The following NTRK3 variants were observed in gnomAD, a reference collection of about 807,000 sequenced individuals.
NTRK3 encodes neurotrophic receptor tyrosine kinase 3.
NTRK3 carries 24 observed loss-of-function variants against 91.7 expected under a neutral mutation model. The ratio of observed to expected loss-of-function variants is 0.26; its 90% CI spans 0.19 to 0.37. NTRK3 has a LOEUF of 0.37. Among genes scored for constraint, NTRK3 ranks in the 10% least tolerant of loss-of-function variants. The probability of loss-of-function intolerance (pLI) is 1.00; values close to 1 mark genes in which losing one functional copy is unlikely to be tolerated. For missense variants in NTRK3, 880 were observed against 1,068.9 expected, an observed-to-expected ratio of 0.82 and a Z score of 2.46; for synonymous variants, 483 against 404.0, an observed-to-expected ratio of 1.20 and a Z score of -2.34.
chr15:87,920,707 G>C (rs1037380492), intron 17 of NTRK3, among the ~76,000 whole-genome samples: 1 of 152,134 alleles, frequency 6.6e-6, no homozygotes, highest in African/African-American at 2.4e-5. Context: ...TTTTGCAGGA[G>C]GGGGTCTTAT....
chr15:87,975,530 T>C (rs1238120535), intron 14 of NTRK3, among the ~76,000 whole-genome samples: 1 of 152,184 alleles, frequency 6.6e-6, no homozygotes, highest in African/African-American at 2.4e-5. Flanking sequence ...ACTGGCTGGT[T>C]CCCTGAGCCA....
chr15:88,078,407 G>C (rs1567350142), intron 13 of NTRK3, among the ~76,000 whole-genome samples: 1 of 152,218 alleles, frequency 6.6e-6, no homozygotes, highest in Non-Finnish European at 1.5e-5. Flanking sequence ...TGTAATCCCG[G>C]CACTTCGGGA....
chr15:88,068,846 G>A (rs147509335), intron 13 of NTRK3, among the ~76,000 whole-genome samples: 87 of 152,234 alleles, frequency 5.7e-4, no homozygotes, highest in African/African-American at 1.9e-3. Context: ...GGTTTGTCTC[G>A]ATGGGGAAGC....
intron 13 of NTRK3, among the ~76,000 whole-genome samples, chr15:88,100,696 T>C (rs116159559): frequency 1.3e-5 from 2 of 152,086 alleles, no homozygotes; most frequent in African/African-American, 2.4e-5. Flanking sequence ...CTCTGTCCCA[T>C]CAAATTATAA....
chr15:88,041,312 A>G (rs2079584888), intron 13 of NTRK3, among the ~76,000 whole-genome samples: 1 of 152,164 alleles, frequency 6.6e-6, no homozygotes, highest in Non-Finnish European at 1.5e-5. Flanking sequence ...ACTTCCTTCC[A>G]AAGTAGGGTT....
At chr15:87,907,334 T>A (rs1187883686) in intron 17 of NTRK3, among the ~76,000 whole-genome samples, 1 of 152,138 alleles carries the variant, frequency 6.6e-6, no homozygotes, top group Admixed American at 6.6e-5. Flanking sequence ...TATACACACT[T>A]GTTAGTACTG....
At chr15:88,090,059 C>A (rs2048874796) in intron 13 of NTRK3, among the ~76,000 whole-genome samples, 1 of 152,210 alleles carries the variant, frequency 6.6e-6, no homozygotes, top group Non-Finnish European at 1.5e-5. Flanking sequence ...CTGCCAGGAA[C>A]TCTCTTCCCC....
chr15:88,003,032 G>C (rs2076229704), intron 14 of NTRK3, among the ~76,000 whole-genome samples: 1 of 152,180 alleles, frequency 6.6e-6, no homozygotes, highest in South Asian at 2.1e-4. Context: ...TGAATCTTTG[G>C]TTCCACCCAA....
chr15:88,024,978 C>T (rs1325607134), intron 14 of NTRK3, among the ~76,000 whole-genome samples: 2 of 152,176 alleles, frequency 1.3e-5, no homozygotes, highest in Non-Finnish European at 1.5e-5. Flanking sequence ...ATAAGAATTA[C>T]ACAGTCATCA....
At chr15:88,203,852 A>T (rs1448304647) in intron 3 of NTRK3, among the ~76,000 whole-genome samples, 1 of 152,232 alleles carries the variant, frequency 6.6e-6, no homozygotes, top group Non-Finnish European at 1.5e-5. Flanking sequence ...ATTTTTTTAA[A>T]AAAAAGCAAA....
At chr15:87,865,930 G>A (rs34985448) in exon 19 of NTRK3, 142,047 of 230,294 alleles carry the variant, frequency 0.62, 44,046 homozygotes, top group African/African-American at 0.63. Context: ...CAAAAATTTA[G>A]GGAAGATATG....
intron 17 of NTRK3, chr15:87,925,441 GCACACACACACACA>G (rs61582719): frequency 6.6e-5 from 12 of 181,042 alleles, no homozygotes; most frequent in African/African-American, 2.7e-4. Context: ...ACACGTGTAT[GCACACACACACACA>G]CACACACACA....
At position 88,240,503 on chromosome 15, in the gene NTRK3, G is replaced by A. The variant is rs563306614; in HGVS notation, c.248+15403C>T. 4.6e-5 allele frequency among the ~76,000 whole-genome samples: 7 copies of A among 152,276 alleles called. No homozygotes were observed. The highest frequency in any genetic ancestry group is 3.9e-4 in the Admixed American group (6 of 15,304). On this transcript the variant is annotated intron_variant, in intron 3 of 18. Coordinates refer to ENST00000394480, the Ensembl canonical transcript of NTRK3. This position sits in a 1 kb window ranked among gnomAD's most constrained non-coding sequence, Gnocchi z 4.9. The stretch of plus-strand genomic sequence containing the variant: ...ACCCTCCTTACCACCAAAACAGCAC[G>A]TCATGTGTCCTGTCGGCCCAAGGGT...
At chr15:88,040,954 C>G (rs528567903) in intron 13 of NTRK3, among the ~76,000 whole-genome samples, 1 of 152,166 alleles carries the variant, frequency 6.6e-6, no homozygotes, top group Non-Finnish European at 1.5e-5. Context: ...TCAAAAATCA[C>G]CTAGTCAGGA....
At chr15:88,189,779 CTTCT>C (rs1312249175) in intron 3 of NTRK3, among the ~76,000 whole-genome samples, 1 of 152,140 alleles carries the variant, frequency 6.6e-6, no homozygotes, top group Non-Finnish European at 1.5e-5. Flanking sequence ...TCTCTTCTTC[CTTCT>C]GTTTTGCTTG....
chr15:87,860,413 A>T, exon 19 of NTRK3: 1 of 221,090 alleles, frequency 4.5e-6, no homozygotes, highest in East Asian at 6.5e-5. Flanking sequence ...TTGCCTTTTC[A>T]ACATATCCCT....
chr15:87,991,144 T>A (rs1244157862), intron 14 of NTRK3, among the ~76,000 whole-genome samples: 1 of 152,144 alleles, frequency 6.6e-6, no homozygotes, highest in Admixed American at 6.5e-5. Flanking sequence ...TGTACCATCC[T>A]CATCATTTTC....
rs1289527115 is a variant in NTRK3, at chr15:88,240,746, G to A, written c.248+15160C>T. Among the ~76,000 whole-genome samples the A allele has an allele frequency of 2.6e-5, 4 of 152,214 alleles. No individual in the cohort carries two copies. The highest frequency in any genetic ancestry group is 6.5e-5 in the Admixed American group (1 of 15,282). ...ATGTCACTGTGCTGAGAATGGAAGC[G>A]GGTTAAAATAAAAGTCCCCTTAAAG... is the stretch of plus-strand genomic sequence containing the variant. On this transcript the variant is annotated intron_variant, in intron 3 of 18. Coordinates refer to ENST00000394480, the Ensembl canonical transcript of NTRK3. This position sits in a 1 kb window ranked among gnomAD's most constrained non-coding sequence, Gnocchi z 4.9.
intron 6 of NTRK3, among the ~76,000 whole-genome samples, chr15:88,138,768 C>T (rs1395473531): frequency 2.0e-5 from 3 of 152,252 alleles, no homozygotes; most frequent in African/African-American, 7.2e-5. Flanking sequence ...CTACTGGCAT[C>T]ACTTTAAATA....
Sources: gnomAD v4.1 joint callset for allele counts (sites outside exome capture counted in the v4.1 genomes callset) on GRCh38, gnomAD v4.1.1 for gene constraint, Gnocchi (gnomAD v3.1) non-coding constraint, MANE v1.5 for transcripts, NCBI Gene and HGNC (gene_info 2026-07-23, HGNC 2026-07-21) for gene names.